The following DLGAP1 variants were observed in gnomAD, a reference collection of about 807,000 sequenced individuals.
DLGAP1 encodes the protein disks large-associated protein 1.
Under a neutral mutation model 90.8 loss-of-function variants are expected in DLGAP1, and 11 were observed. The observed-to-expected ratio is 0.12, with a 90% CI of 0.08 to 0.20. The LOEUF (loss-of-function observed/expected upper bound fraction) is 0.20, where lower values mean the gene tolerates loss of function less well. Among genes scored for constraint, DLGAP1 ranks in the 10% least tolerant of loss-of-function variants. The pLI is 1.00. For missense variants in DLGAP1, 1,050 were observed against 1,333.8 expected (o/e 0.79, Z 3.31); for synonymous variants, 558 against 540.7 (o/e 1.03, Z -0.44).
intron 2 of DLGAP1, among the ~76,000 whole-genome samples, chr18:4,083,048 T>C (rs1350376656): frequency 6.6e-6 from 1 of 152,072 alleles, no homozygotes; most frequent in African/African-American, 2.4e-5. Context: ...CCCCCAAAGG[T>C]TTCAAACTCA....
intron 4 of DLGAP1, among the ~76,000 whole-genome samples, chr18:3,825,339 A>G (rs1330742306): frequency 6.6e-6 from 1 of 152,202 alleles, no homozygotes; most frequent in Non-Finnish European, 1.5e-5. Flanking sequence ...CAGTCATCCT[A>G]TGGTATCTGT....
At chr18:3,671,116 A>C (rs2060073516) in intron 7 of DLGAP1, among the ~76,000 whole-genome samples, 1 of 144,498 alleles carries the variant, frequency 6.9e-6, no homozygotes, top group African/African-American at 2.6e-5. Context: ...TGTTCCAGTC[A>C]CTCTAGCCTT....
At chr18:3,924,024 G>A (rs2072325453) in intron 3 of DLGAP1, among the ~76,000 whole-genome samples, 1 of 152,196 alleles carries the variant, frequency 6.6e-6, no homozygotes, top group Admixed American at 6.5e-5. Flanking sequence ...TGAGAGTTCA[G>A]CCACATGTAG....
intron 3 of DLGAP1, among the ~76,000 whole-genome samples, chr18:3,922,251 T>G (rs142712704): frequency 1.3e-5 from 2 of 152,204 alleles, no homozygotes; most frequent in African/African-American, 4.8e-5. Context: ...AATAATAAAT[T>G]AAAAGAAAAT....
At chr18:3,760,635 T>C (rs1260616289) in intron 5 of DLGAP1, among the ~76,000 whole-genome samples, 1 of 152,138 alleles carries the variant, frequency 6.6e-6, no homozygotes, top group African/African-American at 2.4e-5. Context: ...CAAATCACTG[T>C]CCAGAACTGA....
rs753229752 is a variant in DLGAP1 at position 3,534,301 on chromosome 18, C to T, written c.2372G>A (p.Arg791Gln). 9 of 1,614,216 alleles carry T rather than the reference C, an allele frequency of 5.6e-6. No homozygotes were observed. Among genetic ancestry groups the T allele is most frequent in the East Asian group, 2.2e-5 (1 of 44,888 alleles). Residue 791 changes from arginine to glutamine, a missense_variant, in exon 10 of 13, where the codon CGG (arginine) becomes CAG (glutamine). By Grantham distance (43) the Arg-to-Gln change is conservative. This residue lies in a region of DLGAP1 where 565 missense variants were observed against 879.7 expected (regional missense o/e 0.64). Transcript: ENST00000315677. Reference protein sequence around the residue: ...LEAVQRSVCHRDGHWFLKLLQ... With the variant: ...LEAVQRSVCHQDGHWFLKLLQ... ...AAGCTTCAGGAACCAGTGGCCATCCCGGTGGCACACTGACCTTTGCACGGC... is the reference window on the plus strand; with the variant it reads ...AAGCTTCAGGAACCAGTGGCCATCCTGGTGGCACACTGACCTTTGCACGGC...
intron 1 of DLGAP1, among the ~76,000 whole-genome samples, chr18:4,264,197 T>G (rs546196383): frequency 4.1e-4 from 62 of 152,286 alleles, no homozygotes; most frequent in South Asian, 1.7e-3. Flanking sequence ...TATATTGAAC[T>G]AAAAATAGAG....
intron 5 of DLGAP1, among the ~76,000 whole-genome samples, chr18:3,799,633 TC>T (rs1472808906): frequency 1.3e-5 from 2 of 151,984 alleles, no homozygotes; most frequent in Non-Finnish European, 2.9e-5. Flanking sequence ...CCAAGCTGTC[TC>T]CCCGCAATAC....
At chr18:4,402,184 C>A (rs993043028) in intron 1 of DLGAP1, among the ~76,000 whole-genome samples, 3 of 152,098 alleles carry the variant, frequency 2.0e-5, no homozygotes, top group South Asian at 2.1e-4. Context: ...CCAATAAGTA[C>A]CTAATCAGAA....
At position 4,171,006 on chromosome 18, in the gene DLGAP1, T is replaced by A. The variant is rs1033002918; in HGVS notation, c.-266-19719A>T. ...TAAGGCTTAAATTTGCATGAGTATA[T>A]GCGCTCATATATGTGTGTAAATATC... On this transcript the variant is annotated intron_variant, in intron 1 of 12. Coordinates refer to ENST00000315677, the MANE Select transcript of DLGAP1 (RefSeq NM_004746.4). 2.6e-5 allele frequency among the ~76,000 whole-genome samples: 4 copies of A among 152,294 alleles called. No homozygotes were observed. In the East Asian group the frequency reaches 7.7e-4, roughly 29 times the overall value.
chr18:3,884,256 G>T (rs186072455), intron 3 of DLGAP1, among the ~76,000 whole-genome samples: 57 of 152,236 alleles, frequency 3.7e-4, no homozygotes, highest in African/African-American at 1.2e-3. Flanking sequence ...TACAAATCAG[G>T]TTCCACTGAG....
chr18:3,836,478 T>C (rs1336177143), intron 4 of DLGAP1, among the ~76,000 whole-genome samples: 1 of 152,168 alleles, frequency 6.6e-6, no homozygotes, highest in African/African-American at 2.4e-5. Context: ...GATTAGATTT[T>C]TTTTCTTCCT....
At chr18:3,772,120 C>CTTTCTTTTCT (rs1555662453) in intron 5 of DLGAP1, among the ~76,000 whole-genome samples, 2 of 150,950 alleles carry the variant, frequency 1.3e-5, no homozygotes, top group Middle Eastern at 3.2e-3. Context: ...TCTTTCCTTT[C>CTTTCTTTTCT]TTTCTTTTCT....
chr18:3,667,067 T>G (rs1733238076), intron 7 of DLGAP1, among the ~76,000 whole-genome samples: 1 of 151,752 alleles, frequency 6.6e-6, no homozygotes, highest in Non-Finnish European at 1.5e-5. Context: ...CTGTGCCCGG[T>G]TGCTAATTTG....
intron 1 of DLGAP1, among the ~76,000 whole-genome samples, chr18:4,374,524 A>G (rs2081977871): frequency 6.6e-6 from 1 of 152,170 alleles, no homozygotes; most frequent in Admixed American, 6.5e-5. Flanking sequence ...GCTATACAAG[A>G]GAAGACAGAT....
chr18:4,050,468 T>G (rs1472684859), intron 2 of DLGAP1, among the ~76,000 whole-genome samples: 2 of 152,166 alleles, frequency 1.3e-5, no homozygotes, highest in Non-Finnish European at 2.9e-5. Context: ...GAACAAAAAC[T>G]AAGGTTCATA....
At chr18:4,360,954 G>A (rs12969713) in intron 1 of DLGAP1, among the ~76,000 whole-genome samples, 15,050 of 150,454 alleles carry the variant, frequency 0.1, 780 homozygotes, top group African/African-American at 0.13. Flanking sequence ...AAGATTCTAC[G>A]TCAAAAAAAA....
At chr18:4,089,803 T>G (rs1050044795) in intron 2 of DLGAP1, among the ~76,000 whole-genome samples, 3 of 152,194 alleles carry the variant, frequency 2.0e-5, no homozygotes, top group Non-Finnish European at 1.5e-5. Context: ...CCCAGCACTT[T>G]GGGAGGCCGA....
intron 1 of DLGAP1, among the ~76,000 whole-genome samples, chr18:4,330,145 T>C (rs2080915140): frequency 6.6e-6 from 1 of 152,090 alleles, no homozygotes; most frequent in Non-Finnish European, 1.5e-5. Flanking sequence ...GTTGTCAATT[T>C]TATTGGCTTA....
Sources: gnomAD v4.1 joint callset for allele counts (sites outside exome capture counted in the v4.1 genomes callset) on GRCh38, gnomAD v4.1.1 for gene constraint, gnomAD v4.1.1 regional missense constraint, MANE v1.5 for transcripts, NCBI Gene and HGNC (gene_info 2026-07-23, HGNC 2026-07-21) for gene names.